Variants in ENPP2 observed in about 807,000 individuals in gnomAD.
ENPP2 encodes ectonucleotide pyrophosphatase/phosphodiesterase 2.
Under a neutral mutation model 120.2 loss-of-function variants are expected in ENPP2, and 51 were observed. That is an observed-to-expected ratio of 0.42 (90% CI 0.34 to 0.54). ENPP2 has a LOEUF of 0.54. Ranked by LOEUF, ENPP2 falls within the 20% of genes least tolerant of loss-of-function variation. ENPP2 has a pLI of 0.04. For missense variants in ENPP2, 920 were observed against 1,066.5 expected (o/e 0.86, Z 1.91); for synonymous variants, 365 against 366.4 (o/e 1.00, Z 0.04).
chr8:119,618,447 T>C (rs1483084261), intron 5 of ENPP2: 1 of 418,230 alleles, frequency 2.4e-6, no homozygotes, highest in Admixed American at 3.0e-5. Flanking sequence ...TGAACAAAAA[T>C]TCTCTTGCCT....
chr8:119,670,904 C>A (rs1818223639), intron 1 of ENPP2, among the ~76,000 whole-genome samples: 1 of 151,878 alleles, frequency 6.6e-6, no homozygotes, highest in Non-Finnish European at 1.5e-5. Context: ...GTGTATCCAC[C>A]AAAATTATTC....
At chr8:119,605,467 T>TGTGTGTGTG (rs1209460755) in intron 9 of ENPP2, among the ~76,000 whole-genome samples, 8 of 142,304 alleles carry the variant, frequency 5.6e-5, no homozygotes, top group South Asian at 2.2e-4. Context: ...TGTGTGTGTA[T>TGTGTGTGTG]TTTTTTTTTT....
At position 119,569,321 on chromosome 8, in the gene ENPP2, T is replaced by A; in HGVS notation, c.1967A>T (p.Asp656Val). Reference protein sequence around the residue: ...PDHLTSCVRPDVRVSPSFSQN... With the variant: ...PDHLTSCVRPVVRVSPSFSQN... ...ACTGAAACTCGGAGAAACACGGACATCAGGCCGGACGCAACTGGTCAGATG... is the reference window on the plus strand; with the variant it reads ...ACTGAAACTCGGAGAAACACGGACAACAGGCCGGACGCAACTGGTCAGATG... Residue 656 changes from aspartate (D) to valine (V), a missense_variant, in exon 21 of 25, where the codon GAT (aspartate) becomes GTT (valine). Transcript: ENST00000075322. 6.2e-7 allele frequency: 1 copy of A among 1,614,002 alleles called. No individual in the cohort carries two copies. The highest frequency in any genetic ancestry group is 1.1e-5 in the South Asian group (1 of 91,074).
upstream of ENPP2, among the ~76,000 whole-genome samples, chr8:119,641,215 TG>T (rs955723406): frequency 6.6e-6 from 1 of 152,160 alleles, no homozygotes; most frequent in Admixed American, 6.5e-5. Context: ...ACAAGATTAT[TG>T]TTATAAATTA....
chr8:119,590,082 G>T (rs1366173805), intron 13 of ENPP2, among the ~76,000 whole-genome samples: 3 of 152,082 alleles, frequency 2.0e-5, no homozygotes, highest in Non-Finnish European at 4.4e-5. Context: ...TCCAAATGTG[G>T]TTCTGCCAAC....
chr8:119,571,425 G>C (rs1814972635), intron 19 of ENPP2: 1 of 152,080 alleles, frequency 6.6e-6, no homozygotes, highest in Non-Finnish European at 1.5e-5. Flanking sequence ...CATTCAAGAG[G>C]GTCTTCTAAG....
chr8:119,594,813 A>G (rs1173863791), intron 11 of ENPP2, among the ~76,000 whole-genome samples: 1 of 143,406 alleles, frequency 7.0e-6, no homozygotes, highest in Non-Finnish European at 1.5e-5. Context: ...GATGATTAAG[A>G]TAAGAACAGA....
chr8:119,572,896 T>C (rs2130138491), intron 19 of ENPP2: 1 of 152,516 alleles, frequency 6.6e-6, no homozygotes, highest in Admixed American at 6.5e-5. Flanking sequence ...TGATGAATAC[T>C]GGAAATGGAG....
chr8:119,628,958 C>A (rs970085489), intron 2 of ENPP2, among the ~76,000 whole-genome samples: 4 of 152,158 alleles, frequency 2.6e-5, no homozygotes, highest in Non-Finnish European at 5.9e-5. Flanking sequence ...TTCTAACATT[C>A]TACAAATTCA....
chr8:119,587,530 C>G (rs1813199567), intron 13 of ENPP2, among the ~76,000 whole-genome samples: 1 of 152,094 alleles, frequency 6.6e-6, no homozygotes, highest in African/African-American at 2.4e-5. Flanking sequence ...ACTTCTAATC[C>G]ATTGAGTTAT....
chr8:119,569,583 A>C (rs1814781854), intron 20 of ENPP2, among the ~76,000 whole-genome samples: 1 of 151,896 alleles, frequency 6.6e-6, no homozygotes, highest in South Asian at 2.1e-4. Context: ...AATCAACATA[A>C]CTCTCTTTAT....
intron 15 of ENPP2, among the ~76,000 whole-genome samples, chr8:119,584,738 C>T (rs1812989282): frequency 6.6e-6 from 1 of 152,176 alleles, no homozygotes; most frequent in African/African-American, 2.4e-5. Context: ...ACCATCTGAT[C>T]TTTCCTTTTG....
At chr8:119,591,506 A>C (rs1469356193) in intron 12 of ENPP2, among the ~76,000 whole-genome samples, 1 of 152,214 alleles carries the variant, frequency 6.6e-6, no homozygotes, top group African/African-American at 2.4e-5. Flanking sequence ...AATGTATGAG[A>C]TGACCTGGAA....
chr8:119,584,663 G>A (rs1343832125), intron 15 of ENPP2, among the ~76,000 whole-genome samples: 1 of 152,038 alleles, frequency 6.6e-6, no homozygotes, highest in Non-Finnish European at 1.5e-5. Context: ...CAAAAGCATG[G>A]TCTCACCTAG....
At chr8:119,625,997 T>C (rs887691740) in intron 3 of ENPP2, among the ~76,000 whole-genome samples, 3 of 152,108 alleles carry the variant, frequency 2.0e-5, no homozygotes, top group Non-Finnish European at 2.9e-5. Context: ...ACAGTTACTG[T>C]ACGATAAGAT....
At chr8:119,661,033 G>A (rs968238421) in intron 1 of ENPP2, among the ~76,000 whole-genome samples, 5 of 152,090 alleles carry the variant, frequency 3.3e-5, no homozygotes, top group Non-Finnish European at 7.3e-5. Flanking sequence ...AGATGAAGCT[G>A]GAAACCATCA....
intron 19 of ENPP2, chr8:119,572,778 A>C (rs1815112546): frequency 6.5e-6 from 1 of 154,234 alleles, no homozygotes; most frequent in Admixed American, 6.4e-5. Context: ...TCTTACCCTC[A>C]AAGAGCTCAC....
intron 22 of ENPP2, 54 bp from the exon 23 acceptor site, chr8:119,565,009 T>C: frequency 1.3e-6 from 2 of 1,545,438 alleles, no homozygotes; most frequent in Non-Finnish European, 1.8e-6. Context: ...AACTCCTTAC[T>C]CTAGCCAAAT....
intron 15 of ENPP2, among the ~76,000 whole-genome samples, chr8:119,585,684 G>A (rs1282641208): frequency 6.6e-6 from 1 of 152,134 alleles, no homozygotes; most frequent in Non-Finnish European, 1.5e-5. Context: ...ATTGGAGAGT[G>A]TTTTGTAGTT....
Sources: allele counts gnomAD v4.1 joint callset (sites outside exome capture counted in the v4.1 genomes callset), GRCh38; gene constraint gnomAD v4.1.1; transcripts MANE v1.5; gene names NCBI Gene and HGNC (gene_info 2026-07-23, HGNC 2026-07-21).